The following FUT9 variants were observed in gnomAD, a reference collection of about 807,000 sequenced individuals.
FUT9 encodes fucosyltransferase 9, also known as 4-galactosyl-N-acetylglucosaminide 3-alpha-L-fucosyltransferase 9.
In FUT9, 15 loss-of-function variants were observed where a neutral mutation model predicts 29.7. The ratio of observed to expected loss-of-function variants is 0.51; its 90% CI spans 0.34 to 0.78. The LOEUF (loss-of-function observed/expected upper bound fraction) is 0.78, where lower values mean the gene tolerates loss of function less well. Ranked by LOEUF, FUT9 falls within the 30% of genes least tolerant of loss-of-function variation. FUT9 has a pLI of 0.01. For missense variants in FUT9, 319 were observed against 425.4 expected (o/e 0.75, Z 2.20); for synonymous variants, 169 against 153.7 (o/e 1.10, Z -0.74).
chr6:96,036,090 T>C (rs1770361177), intron 1 of FUT9, among the ~76,000 whole-genome samples: 2 of 143,450 alleles, frequency 1.4e-5, no homozygotes, highest in African/African-American at 5.1e-5. Context: ...AATTAAAATA[T>C]AATATAATAT....
At chr6:96,137,450 C>T (rs1465776672) in intron 2 of FUT9, among the ~76,000 whole-genome samples, 1 of 151,990 alleles carries the variant, frequency 6.6e-6, no homozygotes, top group African/African-American at 2.4e-5. Context: ...CAAGTAGAAG[C>T]ATAAATTCCA....
intron 1 of FUT9, among the ~76,000 whole-genome samples, chr6:96,035,905 ATAATACAT>A (rs1770354122): frequency 1.1e-5 from 1 of 91,196 alleles, no homozygotes; most frequent in Non-Finnish European, 2.2e-5. Context: ...TTAATATAAT[ATAATACAT>A]TATGTTTATT....
intron 2 of FUT9, among the ~76,000 whole-genome samples, chr6:96,198,250 A>G (rs1199666484): frequency 2.0e-5 from 3 of 151,472 alleles, no homozygotes; most frequent in East Asian, 3.9e-4. Context: ...TATATCTCCC[A>G]ATGCTATCCC....
chr6:96,020,463 G>A (rs1302576916), intron 1 of FUT9, among the ~76,000 whole-genome samples: 2 of 151,990 alleles, frequency 1.3e-5, no homozygotes, highest in South Asian at 4.1e-4. Context: ...AGGTGGTCAG[G>A]GAAGGTAAAT....
At chr6:96,059,407 C>T (rs927151253) in intron 1 of FUT9, among the ~76,000 whole-genome samples, 6 of 152,178 alleles carry the variant, frequency 3.9e-5, no homozygotes, top group Admixed American at 3.9e-4. Flanking sequence ...CCTGCATACA[C>T]ACATACCAGA....
chr6:96,131,734 A>G (rs1014519240), intron 2 of FUT9, among the ~76,000 whole-genome samples: 1 of 152,144 alleles, frequency 6.6e-6, no homozygotes, highest in African/African-American at 2.4e-5. Flanking sequence ...AAGATTTCCT[A>G]TAACTTTGCA....
chr6:96,064,006 A>T (rs1271939611), intron 1 of FUT9, among the ~76,000 whole-genome samples: 1 of 152,204 alleles, frequency 6.6e-6, no homozygotes, highest in East Asian at 1.9e-4. Context: ...ACTATTAGGG[A>T]TAATAGATAT....
intron 1 of FUT9, among the ~76,000 whole-genome samples, chr6:96,073,565 G>A (rs889697619): frequency 6.6e-6 from 1 of 152,154 alleles, no homozygotes; most frequent in Non-Finnish European, 1.5e-5. Context: ...TATAGGATAA[G>A]CAGGTCTAAA....
intron 1 of FUT9, among the ~76,000 whole-genome samples, chr6:96,089,658 C>T (rs1223593680): frequency 6.6e-6 from 1 of 152,132 alleles, no homozygotes; most frequent in African/African-American, 2.4e-5. Context: ...CTGAACTAAG[C>T]TTTCAGCATA....
intron 1 of FUT9, among the ~76,000 whole-genome samples, chr6:96,104,838 G>A (rs1582232653): frequency 1.3e-5 from 2 of 152,294 alleles, no homozygotes; most frequent in South Asian, 2.1e-4. Context: ...CCACACAAGT[G>A]TAAATTATTT....
intron 1 of FUT9, among the ~76,000 whole-genome samples, chr6:96,022,378 T>C (rs1455919587): frequency 6.6e-6 from 1 of 152,070 alleles, no homozygotes; most frequent in South Asian, 2.1e-4. Flanking sequence ...ATTGTGTTTG[T>C]CTGTCTGCAC....
At chr6:96,061,907 C>T (rs1001648769) in intron 1 of FUT9, among the ~76,000 whole-genome samples, 1 of 152,172 alleles carries the variant, frequency 6.6e-6, no homozygotes, top group Non-Finnish European at 1.5e-5. Context: ...GAACCAATGC[C>T]ACTACTGACT....
At chr6:96,097,396 A>G (rs1430237774) in intron 1 of FUT9, among the ~76,000 whole-genome samples, 1 of 152,142 alleles carries the variant, frequency 6.6e-6, no homozygotes, top group African/African-American at 2.4e-5. Flanking sequence ...TACTGAGAAT[A>G]TTTACACCAT....
In FUT9 at chr6:96,210,405, G is replaced by C. The variant is rs1475109327; in HGVS notation, c.*6170G>C. ...AGTTCGCGAACCTGAATGCACATTA[G>C]AACCATCTGGAGAGGCTTTAAAATT... On this transcript the variant is annotated 3_prime_UTR_variant, in exon 3 of 3. Transcript: ENST00000302103. The C allele has an allele frequency of 6.0e-6, 1 of 166,734 alleles. No individual in the cohort carries two copies. Among genetic ancestry groups the C allele is most frequent in the Non-Finnish European group, 1.5e-5 (1 of 68,010 alleles). 10.3% of individuals were successfully genotyped at this position (166,734 alleles called of 1,614,324 possible).
intron 2 of FUT9, among the ~76,000 whole-genome samples, chr6:96,188,710 G>GATATATAT (rs57955007): frequency 6.2e-4 from 91 of 146,356 alleles, no homozygotes; most frequent in Non-Finnish European, 9.3e-4. Context: ...TATATTATTT[G>GATATATAT]ATATATATAT....
intron 2 of FUT9, among the ~76,000 whole-genome samples, chr6:96,163,688 A>G (rs981500942): frequency 3.9e-5 from 6 of 152,144 alleles, no homozygotes; most frequent in African/African-American, 1.4e-4. Context: ...TGATTTGTGA[A>G]TCATTCATTG....
chr6:96,144,855 C>T (rs1299908188), intron 2 of FUT9, among the ~76,000 whole-genome samples: 1 of 152,018 alleles, frequency 6.6e-6, no homozygotes, highest in Admixed American at 6.5e-5. Flanking sequence ...ATTTTATTAA[C>T]CACATAAGCC....
chr6:96,031,304 A>G (rs1262554735), intron 1 of FUT9, among the ~76,000 whole-genome samples: 2 of 151,576 alleles, frequency 1.3e-5, no homozygotes, highest in Non-Finnish European at 3.0e-5. Context: ...ACACATCTAT[A>G]TTAATGAAAT....
At chr6:96,186,526 A>G (rs1167458230) in intron 2 of FUT9, among the ~76,000 whole-genome samples, 1 of 152,174 alleles carries the variant, frequency 6.6e-6, no homozygotes, top group Non-Finnish European at 1.5e-5. Context: ...GAGAAACAGA[A>G]CCAACAGTAA....
Sources: gnomAD v4.1 joint callset for allele counts (sites outside exome capture counted in the v4.1 genomes callset) on GRCh38, gnomAD v4.1.1 for gene constraint, MANE v1.5 for transcripts, NCBI Gene and HGNC (gene_info 2026-07-23, HGNC 2026-07-21) for gene names.